The following MLPH variants were observed in gnomAD, a reference collection of about 807,000 sequenced individuals.
MLPH encodes the protein melanophilin, also known as exophilin-3.
A neutral mutation model predicts 72.1 loss-of-function variants in MLPH; 51 were observed. The ratio of observed to expected loss-of-function variants is 0.71; its 90% CI spans 0.56 to 0.89. The LOEUF is 0.89. Among genes scored for constraint, MLPH ranks in the 40% least tolerant of loss-of-function variants. The pLI is 0.00. For missense variants in MLPH, 743 were observed against 759.9 expected (o/e 0.98, Z 0.26); for synonymous variants, 301 against 310.1 (o/e 0.97, Z 0.31).
At chr2:237,527,270 T>C in intron 7 of MLPH, 107 bp from the exon 8 acceptor site, 1 of 1,404,788 alleles carries the variant, frequency 7.1e-7, no homozygotes, top group Non-Finnish European at 1.0e-6. Flanking sequence ...ATGAACATCC[T>C]TATGTCTTCA....
chr2:237,524,837 C>T (rs947762931), intron 6 of MLPH, among the ~76,000 whole-genome samples: 1 of 152,228 alleles, frequency 6.6e-6, no homozygotes, highest in Non-Finnish European at 1.5e-5. Context: ...CCCCTGGGCA[C>T]AGGCAGTGCT....
intron 1 of MLPH, among the ~76,000 whole-genome samples, chr2:237,492,180 G>A (rs991698398): frequency 2.0e-5 from 3 of 152,134 alleles, no homozygotes; most frequent in Non-Finnish European, 4.4e-5. Context: ...TTTGACATTT[G>A]GATTTTCCTT....
chr2:237,535,017 T>C (rs2080502958), intron 9 of MLPH, among the ~76,000 whole-genome samples: 1 of 152,228 alleles, frequency 6.6e-6, no homozygotes, highest in Non-Finnish European at 1.5e-5. Flanking sequence ...ACCATGTTTG[T>C]GAATGTATCA....
rs752438645 is a variant in MLPH, at chr2:237,540,803, T to C, written c.1292T>C (p.Val431Ala). 6.2e-7 allele frequency: 1 copy of C among 1,612,892 alleles called. No individual in the cohort carries two copies. The highest frequency in any genetic ancestry group is 1.1e-5 in the South Asian group (1 of 91,016). The change falls in exon 11 of 16, where the codon GTG becomes GCG. Residue 431 changes from valine (V) to alanine (A), a missense_variant and splice_region_variant. Coordinates refer to ENST00000264605, the MANE Select transcript of MLPH (RefSeq NM_024101.7). ...AGCCTCCGTCCTTCTCTTTCCTAGG[T>C]GGGCACGGCTGCCCATCAAACCAAC... Reference protein sequence around the residue: ...VGPLPQADPEVGTAAHQTNRQ... With the variant: ...VGPLPQADPEAGTAAHQTNRQ...
Position 237,511,081 on chromosome 2 carries a change from A to ACGGG in MLPH, c.429_432dup (p.Leu145AlafsTer9). The ACGGG allele has an allele frequency of 6.2e-7, 1 of 1,613,860 alleles. No individual in the cohort carries two copies. The highest frequency in any genetic ancestry group is 1.3e-5 in the African/African-American group (1 of 75,048). ...AGTGCCAAGGTCATCCGGTCCCTCCACGGGCGGCTGCAGGGTGGAGGTAAG... is the reference window on the plus strand; with the variant it reads ...AGTGCCAAGGTCATCCGGTCCCTCCACGGGCGGGCGGCTGCAGGGTGGAGGTAAG... On this transcript the variant is annotated frameshift_variant, in exon 4 of 16. Coordinates refer to ENST00000264605, the MANE Select transcript of MLPH (RefSeq NM_024101.7). LOFTEE classifies it high-confidence loss of function.
chr2:237,530,439 G>A (rs2080397027), intron 8 of MLPH, among the ~76,000 whole-genome samples: 2 of 152,202 alleles, frequency 1.3e-5, no homozygotes, highest in Non-Finnish European at 2.9e-5. Flanking sequence ...GGAATCATAG[G>A]GGTTTGGGTT....
intron 2 of MLPH, among the ~76,000 whole-genome samples, chr2:237,500,455 A>G (rs2079623065): frequency 6.6e-6 from 1 of 152,220 alleles, no homozygotes. Context: ...ATCGTATTCA[A>G]TTTTAATTAA....
At position 237,549,261 on chromosome 2, in the gene MLPH, A is replaced by G; in HGVS notation, c.1658A>G (p.Asn553Ser). 1 of 1,614,074 alleles carries G rather than the reference A, an allele frequency of 6.2e-7. No homozygotes were observed. The highest frequency in any genetic ancestry group is 8.5e-7 in the Non-Finnish European group (1 of 1,179,952). The change falls in exon 14 of 16, where the codon AAT becomes AGT. Residue 553 changes from asparagine (N) to serine (S), a missense_variant. Coordinates refer to ENST00000264605, the MANE Select transcript of MLPH (RefSeq NM_024101.7). ...VPYLLRRKFS[N>S]SLKSQGKDDD... The stretch of plus-strand genomic sequence containing the variant: ...TATCTTCTGAGAAGAAAGTTCAGTA[A>G]TTCCCTGAAAAGTCAAGGTAAGAGC...
rs141873012 is a variant in MLPH at position 237,493,550 on chromosome 2, G to C, written c.110+14G>C. 130 of 1,605,954 alleles carry C rather than the reference G, an allele frequency of 8.1e-5. No homozygotes were observed. The East Asian group carries it at 2.7e-3, about 34-fold the overall frequency. ...GGAACGGCTAGAGTGAGTGTGCCGT[G>C]CTGAGCCCACGGAGCCCGGGGTCCC... is the stretch of plus-strand genomic sequence containing the variant. On this transcript the variant is annotated intron_variant, in intron 2 of 15. Coordinates refer to ENST00000264605, the MANE Select transcript of MLPH (RefSeq NM_024101.7).
At chr2:237,546,037 C>T (rs771373378) in intron 12 of MLPH, among the ~76,000 whole-genome samples, 27 of 152,164 alleles carry the variant, frequency 1.8e-4, no homozygotes, top group Non-Finnish European at 3.2e-4. Context: ...CTTAGGGGGA[C>T]ATGAGACATC....
chr2:237,553,130 G>T (rs60687800), intron 15 of MLPH: 2 of 472,734 alleles, frequency 4.2e-6, no homozygotes, highest in Non-Finnish European at 4.4e-6. Context: ...GTGATCAGTC[G>T]CAGGAGGCAA....
chr2:237,514,061 G>A (rs1021460168), intron 4 of MLPH, among the ~76,000 whole-genome samples: 13 of 152,154 alleles, frequency 8.5e-5, no homozygotes, highest in Non-Finnish European at 5.9e-5. Flanking sequence ...TTAGGTTCAA[G>A]AAAGGGTGGA....
chr2:237,528,069 T>C (rs998513126), intron 8 of MLPH, among the ~76,000 whole-genome samples: 1 of 152,162 alleles, frequency 6.6e-6, no homozygotes, highest in Non-Finnish European at 1.5e-5. Context: ...CCTGAGGTTC[T>C]TAGTCAAATT....
chr2:237,491,458 G>C (rs546927275), intron 1 of MLPH, among the ~76,000 whole-genome samples: 4 of 152,220 alleles, frequency 2.6e-5, no homozygotes, highest in African/African-American at 9.6e-5. Flanking sequence ...GGCTTCCCTG[G>C]CACAGCCTGC....
chr2:237,493,459 T>A lies in MLPH; in HGVS notation c.33T>A (p.Thr11=), dbSNP rs1023830139. 6.2e-7 allele frequency: 1 copy of A among 1,613,972 alleles called. No homozygotes were observed. Among genetic ancestry groups the A allele is most frequent in the African/African-American group, 1.3e-5 (1 of 74,914 alleles). Residue 11 remains threonine, a synonymous_variant, in exon 2 of 16, where the codon ACT becomes ACA. Coordinates refer to ENST00000264605, the MANE Select transcript of MLPH (RefSeq NM_024101.7). MGKKLDLSKL[T]DEEAQHVLEV... ...AGAAACTGGATCTTTCCAAGCTCAC[T>A]GATGAAGAGGCCCAGCATGTCTTGG...
intron 6 of MLPH, among the ~76,000 whole-genome samples, chr2:237,524,014 T>G (rs1574870199): frequency 6.6e-6 from 1 of 151,704 alleles, no homozygotes; most frequent in Non-Finnish European, 1.5e-5. Flanking sequence ...ATGGCAGGAG[T>G]AGTAGTAGAG....
chr2:237,534,471 G>A, intron 8 of MLPH, 93 bp from the exon 9 acceptor site: 2 of 1,043,264 alleles, frequency 1.9e-6, no homozygotes, highest in South Asian at 1.3e-5. Context: ...CCGCTTCTTG[G>A]GAATTTGGTG....
chr2:237,524,715 A>T (rs79849228), intron 6 of MLPH, among the ~76,000 whole-genome samples: 221 of 152,338 alleles, frequency 1.5e-3, no homozygotes, highest in African/African-American at 4.9e-3. Flanking sequence ...CTGTACCTGG[A>T]AGGCATGAGA....
intron 2 of MLPH, among the ~76,000 whole-genome samples, chr2:237,500,431 GA>G (rs1008420646): frequency 1.3e-4 from 20 of 152,084 alleles, no homozygotes; most frequent in Non-Finnish European, 2.5e-4. Context: ...TGCAACTGGG[GA>G]AAAAAAGTTT....
Sources: gnomAD v4.1 joint callset for allele counts (sites outside exome capture counted in the v4.1 genomes callset) on GRCh38, gnomAD v4.1.1 for gene constraint, MANE v1.5 for transcripts, NCBI Gene and HGNC (gene_info 2026-07-23, HGNC 2026-07-21) for gene names.